The following DNAH5 variants were observed in gnomAD, a reference collection of about 807,000 sequenced individuals.
DNAH5 encodes axonemal beta dynein heavy chain 5.
DNAH5 carries 372 observed loss-of-function variants against 518.2 expected under a neutral mutation model. The ratio of observed to expected loss-of-function variants is 0.72; its 90% confidence interval spans 0.66 to 0.78. DNAH5 has a LOEUF of 0.78. Among genes scored for constraint, DNAH5 ranks in the 30% least tolerant of loss-of-function variants. The probability of loss-of-function intolerance (pLI) is 0.00; values close to 1 mark genes in which losing one functional copy is unlikely to be tolerated. For synonymous variants in DNAH5, 2,039 were observed against 2,025.9 expected (o/e 1.01, Z -0.17); for missense variants, 5,523 against 5,687.0 (o/e 0.97, Z 0.93).
chr5:14,007,312 C>T (rs189820718), intron 1 of DNAH5, among the ~76,000 whole-genome samples: 1 of 152,318 alleles, frequency 6.6e-6, no homozygotes, highest in East Asian at 1.9e-4. Context: ...CAGAAACGAT[C>T]CACAGAGCTT....
At chr5:13,961,381 C>T (rs181370963) in intron 1 of DNAH5, among the ~76,000 whole-genome samples, 135 of 152,260 alleles carry the variant, frequency 8.9e-4, no homozygotes, top group African/African-American at 3.1e-3. Flanking sequence ...TGGTGGCTCA[C>T]GCCTGTAATC....
chr5:13,927,947 A>T, intron 3 of DNAH5, 147 bp downstream of exon 3: 1 of 672,008 alleles, frequency 1.5e-6, no homozygotes. Context: ...CTACACACTA[A>T]TGGTTTCCCA....
chr5:13,732,273 C>A (rs569882972), intron 68 of DNAH5, among the ~76,000 whole-genome samples: 1 of 152,236 alleles, frequency 6.6e-6, no homozygotes, highest in African/African-American at 2.4e-5. Context: ...TTCAAGGCAC[C>A]AGTGATTTGG....
chr5:13,804,004 T>C (rs1007323521), intron 47 of DNAH5, among the ~76,000 whole-genome samples: 11 of 152,194 alleles, frequency 7.2e-5, no homozygotes, highest in African/African-American at 2.7e-4. Context: ...AGAAATCTTT[T>C]CAGAAATTAT....
At chr5:13,910,888 A>C (rs2151976847) in intron 12 of DNAH5, among the ~76,000 whole-genome samples, 1 of 152,350 alleles carries the variant, frequency 6.6e-6, no homozygotes, top group Non-Finnish European at 1.5e-5. Flanking sequence ...GCTGGTCTGC[A>C]GTGAGCAGGT....
chr5:13,727,992 A>G (rs1745977488), intron 69 of DNAH5, among the ~76,000 whole-genome samples: 1 of 152,172 alleles, frequency 6.6e-6, no homozygotes, highest in South Asian at 2.1e-4. Flanking sequence ...ACGAAGTCCG[A>G]TTTGCTCCAC....
chr5:13,953,620 G>A (rs1435752904), intron 1 of DNAH5, among the ~76,000 whole-genome samples: 1 of 152,170 alleles, frequency 6.6e-6, no homozygotes, highest in Non-Finnish European at 1.5e-5. Flanking sequence ...ATTTGCAATG[G>A]AATTAATCTG....
intron 1 of DNAH5, among the ~76,000 whole-genome samples, chr5:13,969,542 C>T (rs181735043): frequency 1.3e-5 from 2 of 152,200 alleles, no homozygotes; most frequent in Non-Finnish European, 2.9e-5. Context: ...TTTTTAATTT[C>T]CATCTTGATT....
Position 13,776,709 on chromosome 5 carries a change from T to C in DNAH5, c.9106-3A>G, listed in dbSNP as rs1465306916. The C allele has an allele frequency of 1.9e-6, 3 of 1,613,422 alleles. No homozygotes were observed. Among genetic ancestry groups the C allele is most frequent in the Non-Finnish European group, 2.5e-6 (3 of 1,179,678 alleles). ...TCTCGAGCAAATAGGTTAGAGACCTTAAAAAGAAGTACAGGCATGCAAATT... is the reference window on the plus strand; with the variant it reads ...TCTCGAGCAAATAGGTTAGAGACCTCAAAAAGAAGTACAGGCATGCAAATT... On this transcript the variant is annotated splice_region_variant and splice_polypyrimidine_tract_variant and intron_variant, in intron 54 of 78. Transcript: ENST00000265104.
rs757208843 is a variant in DNAH5 at position 13,885,149 on chromosome 5, G to A, written c.2823C>T (p.Val941=). The part of the protein sequence containing the change: ...ARANALLLTT[V]TRKKKETEML... ...TCTCAGTTTCTTTCTTTTTCCTCGT[G>A]ACTGTCGTCAAAAGCAGGGCATTGG... is the stretch of plus-strand genomic sequence containing the variant. The change falls in exon 19 of 79, where the codon GTC becomes GTT. Residue 941 remains valine (V), a synonymous_variant. Coordinates refer to ENST00000265104, the MANE Select transcript of DNAH5 (RefSeq NM_001369.3). 1.2e-6 allele frequency: 2 copies of A among 1,614,188 alleles called. No individual in the cohort carries two copies. The highest frequency in any genetic ancestry group is 1.7e-6 in the Non-Finnish European group (2 of 1,180,042).
At chr5:13,730,271 G>A (rs1013857291) in intron 68 of DNAH5, among the ~76,000 whole-genome samples, 1 of 152,136 alleles carries the variant, frequency 6.6e-6, no homozygotes, top group Non-Finnish European at 1.5e-5. Context: ...CCTTAAAAAT[G>A]TTTTTGTTGT....
intron 52 of DNAH5, among the ~76,000 whole-genome samples, chr5:13,783,408 A>C (rs1446450377): frequency 2.0e-5 from 3 of 152,054 alleles, no homozygotes; most frequent in African/African-American, 7.2e-5. Flanking sequence ...ACGGGAACCC[A>C]CCCTCCTAGA....
Position 13,719,054 on chromosome 5 carries a change from C to T in DNAH5, c.12327G>A (p.Met4109Ile), listed in dbSNP as rs1744695346. ...CTATGATTATGTCCATCAGCTCATCCATGAAATCAAGTCCCAGATGGCAGT... is the reference window on the plus strand; with the variant it reads ...CTATGATTATGTCCATCAGCTCATCTATGAAATCAAGTCCCAGATGGCAGT... ...LQNCHLGLDF[M>I]DELMDIIIET... Residue 4109 changes from methionine to isoleucine, a missense_variant, in exon 72 of 79, where the codon ATG becomes ATA. Around this residue, in one of 3 missense-constraint regions of DNAH5, gnomAD observed 5,121 missense variants for 5,223.3 expected, o/e 0.98. Transcript: ENST00000265104. 6.2e-7 allele frequency: 1 copy of T among 1,613,980 alleles called. No homozygotes were observed. Among genetic ancestry groups the T allele is most frequent in the Admixed American group, 1.7e-5 (1 of 59,998 alleles).
chr5:13,712,701 C>T (rs1743656038), intron 75 of DNAH5, among the ~76,000 whole-genome samples: 1 of 152,016 alleles, frequency 6.6e-6, no homozygotes, highest in African/African-American at 2.4e-5. Context: ...ATACAAGTAG[C>T]CAACAAGCAT....
intron 1 of DNAH5, among the ~76,000 whole-genome samples, chr5:13,970,185 T>C (rs570143860): frequency 6.6e-6 from 1 of 152,216 alleles, no homozygotes; most frequent in African/African-American, 2.4e-5. Context: ...ATGTGAGTCC[T>C]TATGTGTTGG....
rs1746199304 is a variant in DNAH5 at position 13,729,450 on chromosome 5, C to T, written c.11872G>A (p.Val3958Ile). 19 of 1,613,970 alleles carry T rather than the reference C, an allele frequency of 1.2e-5. No homozygotes were observed. The highest frequency in any genetic ancestry group is 1.6e-5 in the Non-Finnish European group (19 of 1,179,892). The change falls in exon 69 of 79, where the codon GTC (valine) becomes ATC (isoleucine). Residue 3958 changes from valine (V) to isoleucine (I), a missense_variant. Coordinates refer to ENST00000265104, the MANE Select transcript of DNAH5 (RefSeq NM_001369.3). ...CAAAGCACAGTTACCTGGTCAAGGACATCTGAAAACTGTCTGAGTTTGCTA... is the reference window on the plus strand; with the variant it reads ...CAAAGCACAGTTACCTGGTCAAGGATATCTGAAAACTGTCTGAGTTTGCTA... ...ELSKLRQFSD[V>I]LDQISRNEKM...
intron 4 of DNAH5, 45 bp downstream of exon 4, chr5:13,923,235 G>T (rs760160864): frequency 9.3e-6 from 15 of 1,608,524 alleles, no homozygotes; most frequent in Non-Finnish European, 1.3e-5. Context: ...TGCAAGTTGT[G>T]TGTTTTTTGG....
intron 1 of DNAH5, among the ~76,000 whole-genome samples, chr5:13,934,151 T>C (rs760964265): frequency 1.3e-5 from 2 of 152,212 alleles, no homozygotes; most frequent in Non-Finnish European, 2.9e-5. Flanking sequence ...ACTTAGAATG[T>C]TGCCTCAGAA....
Position 13,855,450 on chromosome 5 carries a change from C to T in DNAH5, c.4950+4002G>A, listed in dbSNP as rs1341659463. 2.5e-4 allele frequency among the ~76,000 whole-genome samples: 12 copies of T among 48,870 alleles called. 4 individuals carry two copies. Among genetic ancestry groups the T allele is most frequent in the Admixed American group, 5.0e-4 (3 of 5,974 alleles). The allele number at this position is 48,870 out of a possible 152,430, so 32.1% of individuals were successfully genotyped here. On this transcript the variant is annotated intron_variant, in intron 30 of 78. Transcript: ENST00000265104. ...GTCTCGATCTCCTGACCTCGTGATC[C>T]GCCCGCCTCGGCCTCCCAAAGTGCT...
Sources: allele counts gnomAD v4.1 joint callset (sites outside exome capture counted in the v4.1 genomes callset), GRCh38; gene constraint gnomAD v4.1.1; regional missense constraint gnomAD v4.1.1; transcripts MANE v1.5; gene names NCBI Gene and HGNC (gene_info 2026-07-23, HGNC 2026-07-21).